Variants in ABHD6 observed in about 807,000 individuals in gnomAD.
The protein encoded by ABHD6 is abhydrolase domain containing 6, acylglycerol lipase.
Under a neutral mutation model 38.8 loss-of-function variants are expected in ABHD6, and 33 were observed. That is an observed-to-expected ratio of 0.85 (90% CI 0.64 to 1.14). The LOEUF is 1.14. ABHD6 is among the 50% of genes most tolerant of loss of function. The pLI is 0.00. For missense variants in ABHD6, 380 were observed against 422.6 expected (o/e 0.90, Z 0.88); for synonymous variants, 147 against 161.6 (o/e 0.91, Z 0.69).
At chr3:58,260,724 C>T (rs1035392223) in intron 3 of ABHD6, among the ~76,000 whole-genome samples, 1 of 152,222 alleles carries the variant, frequency 6.6e-6, no homozygotes, top group Admixed American at 6.5e-5. Flanking sequence ...GCTACACAAA[C>T]AGGATCAGCA....
intron 1 of ABHD6, among the ~76,000 whole-genome samples, chr3:58,246,830 A>C (rs2097426742): frequency 6.6e-6 from 1 of 152,226 alleles, no homozygotes; most frequent in Non-Finnish European, 1.5e-5. Flanking sequence ...TTGAGTCTTA[A>C]GGACTAAAGT....
At chr3:58,281,072 C>A (rs1043195425) in intron 7 of ABHD6, among the ~76,000 whole-genome samples, 1 of 152,218 alleles carries the variant, frequency 6.6e-6, no homozygotes, top group Non-Finnish European at 1.5e-5. Flanking sequence ...CTTGAGGAGG[C>A]AGTCTGTCTG....
At chr3:58,242,403 T>TA (rs2097423488) in intron 1 of ABHD6, among the ~76,000 whole-genome samples, 1 of 152,226 alleles carries the variant, frequency 6.6e-6, no homozygotes, top group South Asian at 2.1e-4. Context: ...TCTAAAACTA[T>TA]ACTGCTCTGA....
At chr3:58,271,764 C>CTTTTTTTTTTTTTTTTTTTTTT (rs1302501356) in intron 6 of ABHD6, among the ~76,000 whole-genome samples, 1 of 78,114 alleles carries the variant, frequency 1.3e-5, no homozygotes, top group African/African-American at 4.7e-5. Flanking sequence ...CCCCCTCTCT[C>CTTTTTTTTTTTTTTTTTTTTTT]TGTTTTTTTT....
At chr3:58,291,544 C>T (rs2097463001) in intron 9 of ABHD6, among the ~76,000 whole-genome samples, 1 of 152,134 alleles carries the variant, frequency 6.6e-6, no homozygotes. Flanking sequence ...TAGGTGTGAG[C>T]CACCACACCC....
At chr3:58,290,392 G>T (rs2097461356) in intron 9 of ABHD6, among the ~76,000 whole-genome samples, 1 of 126,822 alleles carries the variant, frequency 7.9e-6, no homozygotes, top group Non-Finnish European at 1.7e-5. Context: ...GGGCAGAGGG[G>T]CTCCTCACTT....
rs576065173 is a variant in ABHD6, at chr3:58,256,929, A to G, written c.119+224A>G. On this transcript the variant is annotated intron_variant, in intron 3 of 9. Transcript: ENST00000478253. The surrounding 1 kb of genome is among the most constrained non-coding windows in gnomAD (Gnocchi z 4.3). ...TTGTTTGTTTGTTTTTTGGAGACAG[A>G]GTTGTGCTCTGTTGCCCAGGCTGGA... Among the ~76,000 whole-genome samples, 1 of 152,168 alleles carries G rather than the reference A, an allele frequency of 6.6e-6. No homozygotes were observed. The highest frequency in any genetic ancestry group is 1.5e-5 in the Non-Finnish European group (1 of 67,998).
At chr3:58,275,783 T>G (rs951673214) in intron 7 of ABHD6, among the ~76,000 whole-genome samples, 1 of 152,080 alleles carries the variant, frequency 6.6e-6, no homozygotes, top group African/African-American at 2.4e-5. Context: ...CCTAATGCTA[T>G]CCTTCCCCCA....
chr3:58,286,908 T>C (rs9848070), intron 9 of ABHD6, among the ~76,000 whole-genome samples: 91,609 of 120,568 alleles, frequency 0.76, 35,851 homozygotes, highest in East Asian at 1. Context: ...GAAATCATTT[T>C]ATATCAGCCC....
At chr3:58,239,915 C>G (rs146950643) in intron 1 of ABHD6, among the ~76,000 whole-genome samples, 2 of 149,280 alleles carry the variant, frequency 1.3e-5, no homozygotes, top group Admixed American at 6.7e-5. Context: ...TTTGAGAGGC[C>G]AAGGCAAGAG....
At position 58,263,079 on chromosome 3, in the gene ABHD6, G is replaced by A. The variant is rs151314992; in HGVS notation, c.120-4110G>A. On this transcript the variant is annotated intron_variant, in intron 3 of 9. Transcript: ENST00000478253. The surrounding 1 kb of genome is among the most constrained non-coding windows in gnomAD (Gnocchi z 4.9). ...GAAAATTAGCCAGGCGTGGTGGCAC[G>A]CGCCTGTAGTCCCAGCTACTTGGGA... Among the ~76,000 whole-genome samples, 16 of 152,098 alleles carry A rather than the reference G, an allele frequency of 1.1e-4. No homozygotes were observed. The East Asian group carries it at 1.7e-3, about 17-fold the overall frequency.
Position 58,293,494 on chromosome 3 carries a change from C to G in ABHD6, c.838-95C>G. ...AATTCACATCCTCCTGCCCCACTGA[C>G]CCCTGCCAGGCCTTGGTGGAAGTTC... On this transcript the variant is annotated intron_variant, in intron 9 of 9. Transcript: ENST00000478253. The surrounding 1 kb of genome is among the most constrained non-coding windows in gnomAD (Gnocchi z 4.4). The G allele has an allele frequency of 7.3e-7, 1 of 1,375,954 alleles. No homozygotes were observed. 85.2% of individuals were successfully genotyped at this position (1,375,954 alleles called of 1,614,324 possible). A position where few individuals can be genotyped will look rare whatever the true frequency, so the allele number is the denominator to read the frequency against.
intron 2 of ABHD6, among the ~76,000 whole-genome samples, chr3:58,254,098 G>A (rs942410229): frequency 8.5e-5 from 13 of 152,188 alleles, no homozygotes; most frequent in Non-Finnish European, 1.2e-4. Flanking sequence ...ATAAAAAATA[G>A]ACAAAGTGGA....
chr3:58,287,887 T>G lies in ABHD6; in HGVS notation c.837+2434T>G, dbSNP rs773769645. 2.6e-5 allele frequency among the ~76,000 whole-genome samples: 4 copies of G among 152,240 alleles called. No homozygotes were observed. Among genetic ancestry groups the G allele is most frequent in the Non-Finnish European group, 5.9e-5 (4 of 68,046 alleles). ...TCTGAAACTTCTAGTACCAGGGTTA[T>G]TTTGAGGCTCAAATGAAATAATATG... On this transcript the variant is annotated intron_variant, in intron 9 of 9. Transcript: ENST00000478253. This position sits in a 1 kb window ranked among gnomAD's most constrained non-coding sequence, Gnocchi z 4.7.
intron 3 of ABHD6, among the ~76,000 whole-genome samples, chr3:58,262,794 G>T (rs987050540): frequency 3.3e-5 from 5 of 152,192 alleles, no homozygotes; most frequent in African/African-American, 4.8e-5. Context: ...TCTGGGCTGG[G>T]CATGGTGGCT....
At chr3:58,290,983 C>T (rs1266554242) in intron 9 of ABHD6, among the ~76,000 whole-genome samples, 5 of 151,884 alleles carry the variant, frequency 3.3e-5, no homozygotes, top group Admixed American at 6.6e-5. Context: ...GGGTGGCGGC[C>T]GGGCAGAGGC....
intron 9 of ABHD6, among the ~76,000 whole-genome samples, chr3:58,288,834 CTG>C (rs2097459407): frequency 1.3e-5 from 2 of 152,094 alleles, no homozygotes; most frequent in African/African-American, 4.8e-5. Flanking sequence ...CAGATCCTGT[CTG>C]TATTTATGAT....
At chr3:58,255,771 A>T (rs2097432827) in intron 2 of ABHD6, among the ~76,000 whole-genome samples, 1 of 151,880 alleles carries the variant, frequency 6.6e-6, no homozygotes, top group Admixed American at 6.6e-5. Flanking sequence ...CAGCCTCCCG[A>T]GTAGCTGGAA....
At chr3:58,240,973 G>T (rs1399402353) in intron 1 of ABHD6, among the ~76,000 whole-genome samples, 2 of 151,916 alleles carry the variant, frequency 1.3e-5, no homozygotes, top group Non-Finnish European at 1.5e-5. Flanking sequence ...CAGGTGATCT[G>T]CCCGCCTCTA....
Sources: allele counts gnomAD v4.1 joint callset (sites outside exome capture counted in the v4.1 genomes callset), GRCh38; gene constraint gnomAD v4.1.1; non-coding constraint Gnocchi (gnomAD v3.1); transcripts MANE v1.5; gene names NCBI Gene and HGNC (gene_info 2026-07-23, HGNC 2026-07-21).